Variants in GABBR1 observed in about 807,000 individuals in gnomAD.
GABBR1 encodes gamma-aminobutyric acid type B receptor subunit 1.
Under a neutral mutation model 117.7 loss-of-function variants are expected in GABBR1, and 35 were observed. The ratio of observed to expected loss-of-function variants is 0.30; its 90% CI spans 0.23 to 0.39. The LOEUF is 0.39. Among genes scored for constraint, GABBR1 ranks in the 10% least tolerant of loss-of-function variants. The pLI, the probability that GABBR1 is intolerant of heterozygous loss-of-function variation, is 1.00. For synonymous variants in GABBR1, 442 were observed against 486.6 expected (o/e 0.91, Z 1.21); for missense variants, 709 against 1,241.8 (o/e 0.57, Z 6.45).
chr6:29,624,575 C>G (rs1317940910), intron 6 of GABBR1, among the ~76,000 whole-genome samples: 1 of 152,064 alleles, frequency 6.6e-6, no homozygotes, highest in African/African-American at 2.4e-5. Context: ...GTAGGGGGTC[C>G]CGCTCAGTGA....
chr6:29,608,557 G>T (rs760417835), intron 16 of GABBR1, 44 bp downstream of exon 16: 3 of 1,595,858 alleles, frequency 1.9e-6, no homozygotes, highest in Non-Finnish European at 2.6e-6. Context: ...TGAGACGGGT[G>T]GGAGAGTCAC....
chr6:29,608,458 G>A, intron 16 of GABBR1, 143 bp downstream of exon 16: 1 of 803,738 alleles, frequency 1.2e-6, no homozygotes, highest in Non-Finnish European at 2.0e-6. Context: ...AGAGAACAGA[G>A]GGGTGATGCT....
rs765773664 is a variant in GABBR1, at chr6:29,622,108, A to G, written c.1061T>C (p.Leu354Pro). The G allele has an allele frequency of 1.2e-6, 2 of 1,613,226 alleles. No individual in the cohort carries two copies. The highest frequency in any genetic ancestry group is 1.7e-6 in the Non-Finnish European group (2 of 1,179,404). Residue 354 changes from leucine (L) to proline (P), a missense_variant, in exon 9 of 23, where the codon CTG (leucine) becomes CCG (proline). This residue lies in a region of GABBR1 where 192 missense variants were observed against 418.4 expected (regional missense o/e 0.46). Coordinates refer to ENST00000377034, the MANE Select transcript of GABBR1 (RefSeq NM_001470.4). The surrounding 1 kb of genome is among the most constrained non-coding windows in gnomAD (Gnocchi z 4.6). Reference protein sequence around the residue: ...FSDPAVPVKNLKRQDARIIVG... With the variant: ...FSDPAVPVKNPKRQDARIIVG... ...CACCACTCCCAGCCATCTGACCTTCAGGTTTTTGACGGGCACAGCTGGATC... is the reference window on the plus strand; with the variant it reads ...CACCACTCCCAGCCATCTGACCTTCGGGTTTTTGACGGGCACAGCTGGATC...
In GABBR1 at chr6:29,632,436, C is replaced by T; in HGVS notation, c.1-51G>A. ...TGGACCGAGCCCCGCCGGCGCGGCCCGCACCCGGAGACTACTCGACCTCTT... is the reference window on the plus strand; with the variant it reads ...TGGACCGAGCCCCGCCGGCGCGGCCTGCACCCGGAGACTACTCGACCTCTT... On this transcript the variant is annotated intron_variant, in intron 1 of 22. Transcript: ENST00000377034. This position sits in a 1 kb window ranked among gnomAD's most constrained non-coding sequence, Gnocchi z 5.8. 1 of 1,299,148 alleles carries T rather than the reference C, an allele frequency of 7.7e-7. No homozygotes were observed. Among genetic ancestry groups the T allele is most frequent in the Non-Finnish European group, 1.0e-6 (1 of 1,003,266 alleles). The allele number at this position is 1,299,148 out of a possible 1,614,324, so 80.5% of individuals were successfully genotyped here.
chr6:29,629,067 G>GT lies in GABBR1; in HGVS notation c.496+19dup. 1 of 1,612,822 alleles carries GT rather than the reference G, an allele frequency of 6.2e-7. No individual in the cohort carries two copies. The highest frequency in any genetic ancestry group is 8.5e-7 in the Non-Finnish European group (1 of 1,179,884). ...AGGGGAGGGCATTGCAGTGCGCGCG[G>GT]TAAGGGTTTCTCATCTCACCTGAGT... is the stretch of plus-strand genomic sequence containing the variant. On this transcript the variant is annotated intron_variant, in intron 5 of 22. Coordinates refer to ENST00000377034, the MANE Select transcript of GABBR1 (RefSeq NM_001470.4).
rs1177023864 is a variant in GABBR1 at position 29,627,521 on chromosome 6, C to T, written c.622G>A (p.Asp208Asn). 1 of 1,436,800 alleles carries T rather than the reference C, an allele frequency of 7.0e-7. No individual in the cohort carries two copies. The highest frequency in any genetic ancestry group is 9.3e-7 in the Non-Finnish European group (1 of 1,071,604). The allele number at this position is 1,436,800 out of a possible 1,614,324, so 89.0% of individuals were successfully genotyped here. ...TGGTGGATGAGCTTGAGCTCATAGT[C>T]CGGCAGGATGTCCCTGCGGCTATTC... is the stretch of plus-strand genomic sequence containing the variant. ...DVNSRRDILP[D>N]YELKLIHHDS... The change falls in exon 6 of 23, where the codon GAC becomes AAC. Residue 208 changes from aspartate (D) to asparagine (N), a missense_variant. By Grantham distance (23) the Asp-to-Asn change is conservative. Around this residue, in one of 9 missense-constraint regions of GABBR1, gnomAD observed 192 missense variants for 418.4 expected, o/e 0.46. Transcript: ENST00000377034. The surrounding 1 kb of genome is among the most constrained non-coding windows in gnomAD (Gnocchi z 4.4).
At chr6:29,616,983 T>TAAA (rs28383952) in intron 11 of GABBR1, among the ~76,000 whole-genome samples, 109 of 70,960 alleles carry the variant, frequency 1.5e-3, no homozygotes, top group Admixed American at 1.8e-3. Context: ...CCGTCTCTAC[T>TAAA]AAAAAAAAAA....
In GABBR1 at chr6:29,605,158, A is replaced by T; in HGVS notation, c.2440-170T>A. The stretch of plus-strand genomic sequence containing the variant: ...AAATATAGATTGAGAAAAATCTCAA[A>T]CTGTCCCAAACCAGTTTTCACTCTT... On this transcript the variant is annotated intron_variant, in intron 20 of 22. Coordinates refer to ENST00000377034, the MANE Select transcript of GABBR1 (RefSeq NM_001470.4). The surrounding 1 kb of genome is among the most constrained non-coding windows in gnomAD (Gnocchi z 4.2). The T allele has an allele frequency of 1.4e-6, 1 of 733,650 alleles. No individual in the cohort carries two copies. The highest frequency in any genetic ancestry group is 2.1e-6 in the Non-Finnish European group (1 of 467,012). 45.4% of individuals were successfully genotyped at this position (733,650 alleles called of 1,614,324 possible). A position where few individuals can be genotyped will look rare whatever the true frequency, so the allele number is the denominator to read the frequency against.
In GABBR1 at chr6:29,605,800, G is replaced by A. The variant is rs1761887023; in HGVS notation, c.2312-104C>T. The stretch of plus-strand genomic sequence containing the variant: ...TCACCTACTCTGAAATGGAAAGGGG[G>A]CCCTCCTCTCCAATCCAACCCCTCT... On this transcript the variant is annotated intron_variant, in intron 19 of 22. Coordinates refer to ENST00000377034, the MANE Select transcript of GABBR1 (RefSeq NM_001470.4). This position sits in a 1 kb window ranked among gnomAD's most constrained non-coding sequence, Gnocchi z 4.2. 2.1e-6 allele frequency: 3 copies of A among 1,401,336 alleles called. No individual in the cohort carries two copies. The South Asian group carries it at 4.0e-5, about 19-fold the overall frequency. The allele number at this position is 1,401,336 out of a possible 1,614,324, so 86.8% of individuals were successfully genotyped here. A position where few individuals can be genotyped will look rare whatever the true frequency, so the allele number is the denominator to read the frequency against.
At chr6:29,624,622 C>T (rs1416388768) in intron 6 of GABBR1, among the ~76,000 whole-genome samples, 1 of 151,784 alleles carries the variant, frequency 6.6e-6, no homozygotes, top group African/African-American at 2.4e-5. Flanking sequence ...TTTGACAGGT[C>T]CATTAGAAAA....
rs1764877523 is a variant in GABBR1 at position 29,630,756 on chromosome 6, A to G, written c.290-113T>C. The G allele has an allele frequency of 1.3e-6, 1 of 794,412 alleles. No individual in the cohort carries two copies. Among genetic ancestry groups the G allele is most frequent in the African/African-American group, 1.7e-5 (1 of 57,732 alleles). 49.2% of individuals were successfully genotyped at this position (794,412 alleles called of 1,614,324 possible). On this transcript the variant is annotated intron_variant, in intron 3 of 22. Transcript: ENST00000377034. This position sits in a 1 kb window ranked among gnomAD's most constrained non-coding sequence, Gnocchi z 4.9. ...GTCCACAAGCATCCTGCTCTAAAGA[A>G]AATCACATGTGAAAAGGATTTGCCT...
chr6:29,613,225 A>T lies in GABBR1; in HGVS notation c.1566+18T>A, dbSNP rs747465747. ...AAGATTGGGAAGACAGGGGAGTATG[A>T]AGGAAGTTTTAACTCACAGAGACAC... On this transcript the variant is annotated intron_variant, in intron 12 of 22. Transcript: ENST00000377034. The surrounding 1 kb of genome is among the most constrained non-coding windows in gnomAD (Gnocchi z 4.1). The T allele has an allele frequency of 1.1e-5, 18 of 1,610,570 alleles. No individual in the cohort carries two copies. The highest frequency in any genetic ancestry group is 1.5e-5 in the Non-Finnish European group (18 of 1,177,930).
Position 29,630,390 on chromosome 6 carries a change from T to A in GABBR1, c.475+68A>T. The A allele has an allele frequency of 5.8e-6, 8 of 1,384,782 alleles. No homozygotes were observed. In the South Asian group the frequency reaches 8.3e-5, roughly 14 times the overall value. The allele number at this position is 1,384,782 out of a possible 1,614,324, so 85.8% of individuals were successfully genotyped here. A position where few individuals can be genotyped will look rare whatever the true frequency, so the allele number is the denominator to read the frequency against. On this transcript the variant is annotated intron_variant, in intron 4 of 22. Coordinates refer to ENST00000377034, the MANE Select transcript of GABBR1 (RefSeq NM_001470.4). This position sits in a 1 kb window ranked among gnomAD's most constrained non-coding sequence, Gnocchi z 4.9. ...GCTCTCCATTCTTTCCCATTATCCA[T>A]TCCCACCCCACTCCCATCCTCACAC...
intron 14 of GABBR1, among the ~76,000 whole-genome samples, chr6:29,610,613 C>T (rs902569468): frequency 6.6e-6 from 1 of 152,080 alleles, no homozygotes; most frequent in Admixed American, 6.6e-5. Context: ...GACACCAGGA[C>T]ATCTGGGAAA....
Position 29,630,419 on chromosome 6 carries a change from C to T in GABBR1, c.475+39G>A. Reference sequence around the variant, plus strand: ...CACCCCACTCCCATCCTCACACAAGCGTCCTCATCAGCTGCATGCAGGCAG... The same window carrying T: ...CACCCCACTCCCATCCTCACACAAGTGTCCTCATCAGCTGCATGCAGGCAG... On this transcript the variant is annotated intron_variant, in intron 4 of 22. Transcript: ENST00000377034. The surrounding 1 kb of genome is among the most constrained non-coding windows in gnomAD (Gnocchi z 4.9). The T allele has an allele frequency of 3.2e-6, 5 of 1,565,898 alleles. No individual in the cohort carries two copies. Among genetic ancestry groups the T allele is most frequent in the South Asian group, 1.1e-5 (1 of 89,912 alleles).
In GABBR1 at chr6:29,603,284, T is replaced by C; in HGVS notation, c.*259A>G. ...AGGCAGCGTGTGAGCAGTGAGCAGC[T>C]TCAAGCCAGGTACGAACTAAATTGT... On this transcript the variant is annotated 3_prime_UTR_variant, in exon 23 of 23. Transcript: ENST00000377034. 1 of 662,292 alleles carries C rather than the reference T, an allele frequency of 1.5e-6. No individual in the cohort carries two copies. Among genetic ancestry groups the C allele is most frequent in the South Asian group, 1.5e-5 (1 of 66,390 alleles). 41.0% of individuals were successfully genotyped at this position (662,292 alleles called of 1,614,324 possible). A position where few individuals can be genotyped will look rare whatever the true frequency, so the allele number is the denominator to read the frequency against.
Position 29,602,942 on chromosome 6 carries a change from G to A in GABBR1, c.*601C>T. ...TTCAGTGGGCACACGCAGGAGAGGG[G>A]AGGATGCATGTGTGCTGAGCGTGAG... On this transcript the variant is annotated 3_prime_UTR_variant, in exon 23 of 23. Transcript: ENST00000377034. 2.2e-6 allele frequency: 1 copy of A among 451,864 alleles called. No individual in the cohort carries two copies. The highest frequency in any genetic ancestry group is 4.4e-6 in the Non-Finnish European group (1 of 224,780). 28.0% of individuals were successfully genotyped at this position (451,864 alleles called of 1,614,324 possible).
rs769018895 is a variant in GABBR1, at chr6:29,621,838, G to A, written c.1066-21C>T. On this transcript the variant is annotated intron_variant, in intron 9 of 22. Transcript: ENST00000377034. The surrounding 1 kb of genome is among the most constrained non-coding windows in gnomAD (Gnocchi z 5.0). ...TGGCGCTACAACAGAGAAAGAAACA[G>A]CTCCTGAGGGATGCCCGGGAATGCC... The A allele has an allele frequency of 1.1e-5, 18 of 1,613,512 alleles. No homozygotes were observed. Among genetic ancestry groups the A allele is most frequent in the Non-Finnish European group, 1.4e-5 (17 of 1,179,456 alleles).
At position 29,627,845 on chromosome 6, in the gene GABBR1, CTT is replaced by C; in HGVS notation, c.497-201_497-200del. On this transcript the variant is annotated intron_variant, in intron 5 of 22. Transcript: ENST00000377034. This position sits in a 1 kb window ranked among gnomAD's most constrained non-coding sequence, Gnocchi z 4.4. Reference sequence around the variant, plus strand: ...GAGCGTTAGGAGCTCAGGGGGGACACTTTTCCTGGGGAGGGCTGCTAAGAGGG... The same window carrying C: ...GAGCGTTAGGAGCTCAGGGGGGACACTTCCTGGGGAGGGCTGCTAAGAGGG... 1.4e-6 allele frequency: 2 copies of C among 1,397,004 alleles called. No homozygotes were observed. Among genetic ancestry groups the C allele is most frequent in the Non-Finnish European group, 1.8e-6 (2 of 1,081,358 alleles). 86.5% of individuals were successfully genotyped at this position (1,397,004 alleles called of 1,614,324 possible).
Sources: allele counts gnomAD v4.1 joint callset (sites outside exome capture counted in the v4.1 genomes callset), GRCh38; gene constraint gnomAD v4.1.1; regional missense constraint gnomAD v4.1.1; non-coding constraint Gnocchi (gnomAD v3.1); transcripts MANE v1.5; gene names NCBI Gene and HGNC (gene_info 2026-07-23, HGNC 2026-07-21).